The following FAM184B variants were observed in gnomAD, a reference collection of about 807,000 sequenced individuals.
The protein encoded by FAM184B is family with sequence similarity 184 member B.
FAM184B carries 111 observed loss-of-function variants against 135.9 expected under a neutral mutation model. That is an observed-to-expected ratio of 0.82 (90% CI 0.70 to 0.96). The LOEUF is 0.96. Among genes scored for constraint, FAM184B ranks in the 40% least tolerant of loss-of-function variants. The pLI is 0.00. For missense variants in FAM184B, 1,375 were observed against 1,323.9 expected (o/e 1.04, Z -0.60); for synonymous variants, 552 against 524.8 (o/e 1.05, Z -0.71).
chr4:17,723,856 G>A (rs1717584162), intron 1 of FAM184B, among the ~76,000 whole-genome samples: 2 of 152,246 alleles, frequency 1.3e-5, no homozygotes, highest in Admixed American at 1.3e-4. Context: ...ATTTCTGAAA[G>A]CGTAGCGTGC....
chr4:17,669,473 T>A (rs1382411660), intron 7 of FAM184B, among the ~76,000 whole-genome samples: 1 of 152,216 alleles, frequency 6.6e-6, no homozygotes, highest in East Asian at 1.9e-4. Context: ...ATAAATGATG[T>A]ATGATTAATT....
At chr4:17,654,411 A>T (rs1395338388) in intron 10 of FAM184B, among the ~76,000 whole-genome samples, 1 of 152,132 alleles carries the variant, frequency 6.6e-6, no homozygotes, top group African/African-American at 2.4e-5. Context: ...TCAAATTCCG[A>T]AGCTCAAGCA....
intron 13 of FAM184B, among the ~76,000 whole-genome samples, chr4:17,640,493 A>G (rs920406427): frequency 2.6e-5 from 4 of 151,192 alleles, no homozygotes; most frequent in African/African-American, 9.7e-5. Context: ...AAAAAAAAAA[A>G]AAGAAAATAA....
At chr4:17,663,661 A>G (rs1715972797) in intron 8 of FAM184B, among the ~76,000 whole-genome samples, 1 of 151,606 alleles carries the variant, frequency 6.6e-6, no homozygotes. Flanking sequence ...AGTTTGTGAC[A>G]GAGCAATAAC....
chr4:17,781,439 GGC>G lies in FAM184B; in HGVS notation c.-142_-141del. 1 of 1,064,782 alleles carries G rather than the reference GGC, an allele frequency of 9.4e-7. No homozygotes were observed. The highest frequency in any genetic ancestry group is 1.2e-6 in the Non-Finnish European group (1 of 806,112). 66.0% of individuals were successfully genotyped at this position (1,064,782 alleles called of 1,614,324 possible). A position where few individuals can be genotyped will look rare whatever the true frequency, so the allele number is the denominator to read the frequency against. Reference sequence around the variant, plus strand: ...AGTCCCGTCGCCTGCACCGCCGCGTGGCCCCAGCTTCCCGAAGGTCTCCGCCT... The same window carrying G: ...AGTCCCGTCGCCTGCACCGCCGCGTGCCCAGCTTCCCGAAGGTCTCCGCCT... On this transcript the variant is annotated 5_prime_UTR_variant, in exon 1 of 18. Transcript: ENST00000265018. The surrounding 1 kb of genome is among the most constrained non-coding windows in gnomAD (Gnocchi z 6.5).
intron 1 of FAM184B, among the ~76,000 whole-genome samples, chr4:17,718,502 G>T (rs370954665): frequency 2.0e-5 from 3 of 152,294 alleles, no homozygotes; most frequent in African/African-American, 4.8e-5. Flanking sequence ...TTATTTGTCC[G>T]TATAATAATC....
intron 1 of FAM184B, among the ~76,000 whole-genome samples, chr4:17,745,017 T>C (rs1284370095): frequency 1.3e-5 from 2 of 152,174 alleles, no homozygotes; most frequent in Non-Finnish European, 1.5e-5. Context: ...TCAAAGACCT[T>C]ACAGCCCTTC....
chr4:17,674,808 A>T (rs1468304659), intron 7 of FAM184B, among the ~76,000 whole-genome samples: 1 of 152,212 alleles, frequency 6.6e-6, no homozygotes, highest in African/African-American at 2.4e-5. Flanking sequence ...GATCATTTCT[A>T]AGAAGCAACT....
chr4:17,780,036 A>C (rs1336933417), intron 1 of FAM184B, among the ~76,000 whole-genome samples: 1 of 152,206 alleles, frequency 6.6e-6, no homozygotes, highest in South Asian at 2.1e-4. Flanking sequence ...TTCCTTGACC[A>C]AAGAGAGCCC....
intron 8 of FAM184B, 130 bp from the exon 9 acceptor site, chr4:17,660,217 A>T: frequency 8.8e-7 from 1 of 1,130,262 alleles, no homozygotes; most frequent in Non-Finnish European, 1.2e-6. Context: ...GATTAGAAAC[A>T]TCTTGCTTGG....
intron 17 of FAM184B, chr4:17,633,404 A>T: frequency 3.8e-6 from 1 of 264,518 alleles, no homozygotes; most frequent in Non-Finnish European, 7.0e-6. Flanking sequence ...TTAATTTTAA[A>T]GGCAAGGTAT....
At chr4:17,718,083 T>C (rs1717436798) in intron 1 of FAM184B, among the ~76,000 whole-genome samples, 2 of 152,218 alleles carry the variant, frequency 1.3e-5, no homozygotes, top group Non-Finnish European at 2.9e-5. Context: ...TTCAGTACGT[T>C]GCTGAACCTG....
At chr4:17,661,445 T>A (rs11723607) in intron 8 of FAM184B, among the ~76,000 whole-genome samples, 4 of 151,832 alleles carry the variant, frequency 2.6e-5, no homozygotes, top group Non-Finnish European at 5.9e-5. Context: ...CCAGCTACTC[T>A]GGAGGCTGAG....
Position 17,667,842 on chromosome 4 carries a change from T to C in FAM184B, c.1597-3183A>G, listed in dbSNP as rs73800330. Among the ~76,000 whole-genome samples the C allele has an allele frequency of 2.9e-3, 438 of 152,356 alleles. 3 individuals carry two copies. The highest frequency in any genetic ancestry group is 0.01 in the African/African-American group (420 of 41,576). On this transcript the variant is annotated intron_variant, in intron 7 of 17. Coordinates refer to ENST00000265018, the MANE Select transcript of FAM184B (RefSeq NM_015688.2). ...ACCTGGTGCTGTTGCAGCTCTCACA[T>C]GTCATTATTGATCTACTCGCTCACC...
At chr4:17,686,988 T>C (rs34493861) in intron 7 of FAM184B, among the ~76,000 whole-genome samples, 47,692 of 152,184 alleles carry the variant, frequency 0.31, 8,378 homozygotes, top group Non-Finnish European at 0.4. Context: ...CAGTGCTCTA[T>C]GACTGACCAG....
chr4:17,722,637 T>A (rs1717555543), intron 1 of FAM184B, among the ~76,000 whole-genome samples: 1 of 152,160 alleles, frequency 6.6e-6, no homozygotes, highest in African/African-American at 2.4e-5. Context: ...AGGAAGGTTC[T>A]TAATGAGAGC....
chr4:17,750,927 T>C (rs1315865918), intron 1 of FAM184B, among the ~76,000 whole-genome samples: 1 of 152,036 alleles, frequency 6.6e-6, no homozygotes, highest in Non-Finnish European at 1.5e-5. Context: ...CTGGCTTTGG[T>C]TAGGACATGG....
chr4:17,759,092 C>G (rs1483483570), intron 1 of FAM184B, among the ~76,000 whole-genome samples: 1 of 152,168 alleles, frequency 6.6e-6, no homozygotes, highest in Non-Finnish European at 1.5e-5. Context: ...GGAACTTGAA[C>G]TTCCATTAAG....
chr4:17,761,505 C>G (rs1188831075), intron 1 of FAM184B, among the ~76,000 whole-genome samples: 1 of 152,238 alleles, frequency 6.6e-6, no homozygotes, highest in Non-Finnish European at 1.5e-5. Context: ...GGCTCTCCAA[C>G]CTGGCCCATC....
Sources: allele counts gnomAD v4.1 joint callset (sites outside exome capture counted in the v4.1 genomes callset), GRCh38; gene constraint gnomAD v4.1.1; non-coding constraint Gnocchi (gnomAD v3.1); transcripts MANE v1.5; gene names NCBI Gene and HGNC (gene_info 2026-07-23, HGNC 2026-07-21).